TRANK1: variants seen among roughly 807,000 people sequenced by gnomAD.
TRANK1 encodes the protein tetratricopeptide repeat and ankyrin repeat containing 1.
In TRANK1, 198 loss-of-function variants were observed where a neutral mutation model predicts 266.0. That is an observed-to-expected ratio of 0.74 (90% CI 0.66 to 0.84). The LOEUF (loss-of-function observed/expected upper bound fraction) is 0.84, where lower values mean the gene tolerates loss of function less well. Among genes scored for constraint, TRANK1 ranks in the 40% least tolerant of loss-of-function variants. The pLI is 0.00. For missense variants in TRANK1, 3,326 were observed against 3,634.6 expected (o/e 0.92, Z 2.18); for synonymous variants, 1,396 against 1,384.1 (o/e 1.01, Z -0.19).
At chr3:36,878,919 C>T (rs957563379) in intron 8 of TRANK1, among the ~76,000 whole-genome samples, 9 of 152,068 alleles carry the variant, frequency 5.9e-5, no homozygotes, top group Non-Finnish European at 1.2e-4. Flanking sequence ...TTGTTGGCAA[C>T]AATAAAATTT....
At position 36,858,164 on chromosome 3, in the gene TRANK1, C is replaced by CA. The variant is rs2079086034; in HGVS notation, c.1673-116dup. On this transcript the variant is annotated intron_variant, in intron 12 of 23. Transcript: ENST00000645898. ...GGCATCTCAGAATGCTGAACTCCCC[C>CA]AAAAAATCTGAAATCCATTAAAGAG... 3.2e-5 allele frequency: 28 copies of CA among 862,550 alleles called. No homozygotes were observed. The South Asian group carries it at 4.7e-4, about 14-fold the overall frequency. The allele number at this position is 862,550 out of a possible 1,614,324, so 53.4% of individuals were successfully genotyped here.
rs367928709 is a variant in TRANK1 at position 36,831,913 on chromosome 3, C to T, written c.7670G>A (p.Gly2557Asp). The T allele has an allele frequency of 5.0e-6, 8 of 1,613,930 alleles. No individual in the cohort carries two copies. The highest frequency in any genetic ancestry group is 2.7e-5 in the African/African-American group (2 of 74,932). ...AFSEIDYVVS[G>D]EAERTLVLCL... ...CAGCACCAGTGTCCGCTCAGCCTCA[C>T]CCGAGACCACATAGTCTATTTCACT... is the stretch of plus-strand genomic sequence containing the variant. The change falls in exon 22 of 24, where the codon GGT becomes GAT. Residue 2557 changes from glycine (G) to aspartate (D), a missense_variant. Coordinates refer to ENST00000645898, the MANE Select transcript of TRANK1 (RefSeq NM_001329998.2). The surrounding 1 kb of genome is among the most constrained non-coding windows in gnomAD (Gnocchi z 5.0).
At chr3:36,871,878 C>CA (rs1416934029) in intron 9 of TRANK1, among the ~76,000 whole-genome samples, 10 of 152,206 alleles carry the variant, frequency 6.6e-5, no homozygotes, top group African/African-American at 1.9e-4. Flanking sequence ...TGCAGCCTGA[C>CA]AGACTATCTC....
chr3:36,915,281 G>A (rs1296835307), intron 1 of TRANK1, among the ~76,000 whole-genome samples: 3 of 152,086 alleles, frequency 2.0e-5, no homozygotes, highest in Non-Finnish European at 4.4e-5. Flanking sequence ...TTGACATATT[G>A]ATAATGTACA....
intron 1 of TRANK1, among the ~76,000 whole-genome samples, chr3:36,918,180 T>C (rs1176549263): frequency 6.6e-6 from 1 of 152,038 alleles, no homozygotes; most frequent in African/African-American, 2.4e-5. Flanking sequence ...ACAATTCTAC[T>C]TATATGAGCT....
intron 3 of TRANK1, among the ~76,000 whole-genome samples, chr3:36,900,817 G>A (rs1286589151): frequency 8.5e-6 from 1 of 117,104 alleles, no homozygotes; most frequent in Admixed American, 1.0e-4. Context: ...ACGAGGTGAG[G>A]CTCCAGCCTG....
chr3:36,847,669 G>A (rs907890248), intron 15 of TRANK1, among the ~76,000 whole-genome samples: 1 of 152,130 alleles, frequency 6.6e-6, no homozygotes, highest in Non-Finnish European at 1.5e-5. Context: ...GTATGGACAG[G>A]GGAATCCCCA....
rs556902485 is a variant in TRANK1, at chr3:36,871,048, T to C, written c.1078+3078A>G. On this transcript the variant is annotated intron_variant, in intron 9 of 23. Transcript: ENST00000645898. ...TTAGGCCAAAGACTTTAACACTAAA[T>C]AGAACATGCACAGTATTCTAAGAAC... Among the ~76,000 whole-genome samples the C allele has an allele frequency of 3.7e-5, 5 of 133,352 alleles. No homozygotes were observed. In the South Asian group the frequency reaches 1.2e-3, roughly 31 times the overall value. 87.5% of individuals were successfully genotyped at this position (133,352 alleles called of 152,430 possible). A position where few individuals can be genotyped will look rare whatever the true frequency, so the allele number is the denominator to read the frequency against.
At position 36,864,464 on chromosome 3, in the gene TRANK1, A is replaced by G. The variant is rs2079186232; in HGVS notation, c.1095T>C (p.Asp365=). 2 of 1,534,074 alleles carry G rather than the reference A, an allele frequency of 1.3e-6. No homozygotes were observed. Among genetic ancestry groups the G allele is most frequent in the East Asian group, 4.9e-5 (2 of 40,892 alleles). The change falls in exon 10 of 24, where the codon GAT becomes GAC. Residue 365 remains aspartate, a synonymous_variant. Transcript: ENST00000645898. ...AAATGTCGTTTTCACTAGTGGGTCCATCACCATTGCTGAATCCTACAAAAC... is the reference window on the plus strand; with the variant it reads ...AAATGTCGTTTTCACTAGTGGGTCCGTCACCATTGCTGAATCCTACAAAAC... ...SKDLSGFSNG[D]GPTSENDIFR... is the part of the protein sequence containing the mutation.
intron 1 of TRANK1, among the ~76,000 whole-genome samples, chr3:36,930,936 T>C (rs2080353154): frequency 1.3e-5 from 2 of 151,984 alleles, no homozygotes; most frequent in African/African-American, 4.8e-5. Flanking sequence ...CATGCAAATA[T>C]CTCATTTTTT....
In TRANK1 at chr3:36,924,888, G is replaced by A. The variant is rs545086869; in HGVS notation, c.24-16434C>T. ...CCGGACAGAATCCCAAACCCCAGTG[G>A]CCTTAAGCTAAAGAGGCTCTCTGCT... On this transcript the variant is annotated intron_variant, in intron 1 of 23. Coordinates refer to ENST00000645898, the MANE Select transcript of TRANK1 (RefSeq NM_001329998.2). 1.2e-4 allele frequency among the ~76,000 whole-genome samples: 19 copies of A among 152,354 alleles called. No individual in the cohort carries two copies. In the South Asian group the frequency reaches 3.7e-3, roughly 30 times the overall value.
At chr3:36,896,525 G>GTATTT (rs2079792712) in intron 4 of TRANK1, among the ~76,000 whole-genome samples, 1 of 152,212 alleles carries the variant, frequency 6.6e-6, no homozygotes, top group Non-Finnish European at 1.5e-5. Context: ...CTTCCAAAAA[G>GTATTT]GAGTACTTTG....
rs759752057 is a variant in TRANK1 at position 36,838,449 on chromosome 3, G to A, written c.5440C>T (p.Pro1814Ser). 15 of 1,614,054 alleles carry A rather than the reference G, an allele frequency of 9.3e-6. No individual in the cohort carries two copies. The highest frequency in any genetic ancestry group is 3.3e-4 in the Middle Eastern group (2 of 6,062). Reference sequence around the variant, plus strand: ...CTCAGACACTTAAGGGACAGTGTTGGCTCTTTGCACTCCAAATAGGTCTTA... The same window carrying A: ...CTCAGACACTTAAGGGACAGTGTTGACTCTTTGCACTCCAAATAGGTCTTA... ...LAKTYLECKE[P>S]TLSLKCLSYA... Residue 1814 changes from proline (P) to serine (S), a missense_variant, in exon 20 of 24, where the codon CCA becomes TCA. Physicochemically the swap from Pro to Ser is moderately conservative, Grantham distance 74. Transcript: ENST00000645898.
At chr3:36,829,786 C>G (rs2078671301) in intron 22 of TRANK1, 124 bp from the exon 23 acceptor site, 1 of 1,002,452 alleles carries the variant, frequency 1.0e-6, no homozygotes, top group South Asian at 1.5e-5. Flanking sequence ...GAAAAGAGCC[C>G]TCCTTATCGG....
At chr3:36,905,830 C>T (rs1203920947) in intron 2 of TRANK1, among the ~76,000 whole-genome samples, 1 of 152,206 alleles carries the variant, frequency 6.6e-6, no homozygotes, top group African/African-American at 2.4e-5. Context: ...CATCCTGCCT[C>T]CCTCAGTCCC....
At chr3:36,902,527 G>A (rs1166002747) in intron 3 of TRANK1, among the ~76,000 whole-genome samples, 1 of 152,172 alleles carries the variant, frequency 6.6e-6, no homozygotes, top group Non-Finnish European at 1.5e-5. Flanking sequence ...GAACAGTAAA[G>A]GTGCCATGAA....
At chr3:36,879,895 A>G (rs1215627041) in intron 8 of TRANK1, among the ~76,000 whole-genome samples, 1 of 81,718 alleles carries the variant, frequency 1.2e-5, no homozygotes. Flanking sequence ...TAAACATGCA[A>G]ATATATGTAA....
chr3:36,888,430 T>C (rs1323046776), intron 8 of TRANK1, among the ~76,000 whole-genome samples: 1 of 152,250 alleles, frequency 6.6e-6, no homozygotes, highest in African/African-American at 2.4e-5. Flanking sequence ...CAACTCTGAA[T>C]AGATCAAAAA....
rs2079487887 is a variant in TRANK1 at position 36,879,927 on chromosome 3, TGCAA to T, written c.908-5635_908-5632del. ...GTAAACATGCAAATATATGTAAACA[TGCAA>T]ATATATGTAAACATGCAAATATATG... On this transcript the variant is annotated intron_variant, in intron 8 of 23. Coordinates refer to ENST00000645898, the MANE Select transcript of TRANK1 (RefSeq NM_001329998.2). Among the ~76,000 whole-genome samples, 2 of 26,138 alleles carry T rather than the reference TGCAA, an allele frequency of 7.7e-5. 1 individual carries two copies. Among genetic ancestry groups the T allele is most frequent in the Non-Finnish European group, 1.4e-4 (2 of 14,636 alleles). 17.1% of individuals were successfully genotyped at this position (26,138 alleles called of 152,430 possible).
Sources: allele counts gnomAD v4.1 joint callset (sites outside exome capture counted in the v4.1 genomes callset), GRCh38; gene constraint gnomAD v4.1.1; non-coding constraint Gnocchi (gnomAD v3.1); transcripts MANE v1.5; gene names NCBI Gene and HGNC (gene_info 2026-07-23, HGNC 2026-07-21).